Variants in CLVS1 observed in about 807,000 individuals in gnomAD.
CLVS1 encodes clavesin-1.
In CLVS1, 10 loss-of-function variants were observed where a neutral mutation model predicts 33.1. That is an observed-to-expected ratio of 0.30 (90% CI 0.19 to 0.51). The LOEUF (loss-of-function observed/expected upper bound fraction) is 0.51, where lower values mean the gene tolerates loss of function less well. Among genes scored for constraint, CLVS1 ranks in the 20% least tolerant of loss-of-function variants. The pLI is 0.97. For synonymous variants in CLVS1, 163 were observed against 166.1 expected (o/e 0.98, Z 0.14); for missense variants, 343 against 433.4 (o/e 0.79, Z 1.85).
At chr8:61,114,849 T>G (rs949230343) in intron 1 of CLVS1, among the ~76,000 whole-genome samples, 1 of 152,224 alleles carries the variant, frequency 6.6e-6, no homozygotes, top group African/African-American at 2.4e-5. Context: ...TCTATTTTTT[T>G]GAAAACCCAA....
At chr8:61,252,467 A>T (rs979866781) in intron 2 of CLVS1, among the ~76,000 whole-genome samples, 2 of 152,148 alleles carry the variant, frequency 1.3e-5, no homozygotes, top group African/African-American at 4.8e-5. Flanking sequence ...AGTCCTGAAT[A>T]TCCTTGTTAA....
At chr8:61,315,807 G>A (rs1475494176) in intron 2 of CLVS1, among the ~76,000 whole-genome samples, 2 of 152,058 alleles carry the variant, frequency 1.3e-5, no homozygotes, top group African/African-American at 2.4e-5. Context: ...GTATATATGT[G>A]TCATGGTGGT....
intron 2 of CLVS1, among the ~76,000 whole-genome samples, chr8:61,251,427 C>T (rs533459296): frequency 6.5e-4 from 99 of 152,188 alleles, no homozygotes; most frequent in Non-Finnish European, 6.6e-4. Flanking sequence ...ACTGGCCTCA[C>T]AAAATGAGTT....
the CLVS1 span, among the ~76,000 whole-genome samples, chr8:60,992,221 CTT>C: frequency 1.3e-5 from 2 of 152,168 alleles, no homozygotes; most frequent in African/African-American, 4.8e-5. Flanking sequence ...AATTGTCTGA[CTT>C]TATATTTTTT....
chr8:61,127,632 G>C (rs1806001642), intron 1 of CLVS1, among the ~76,000 whole-genome samples: 1 of 152,222 alleles, frequency 6.6e-6, no homozygotes, highest in African/African-American at 2.4e-5. Flanking sequence ...TTCTTAGGAA[G>C]TATTGTACAG....
chr8:61,223,368 G>A (rs939498682), intron 2 of CLVS1, among the ~76,000 whole-genome samples: 2 of 152,138 alleles, frequency 1.3e-5, no homozygotes, highest in African/African-American at 2.4e-5. Flanking sequence ...TGCAGGGCAG[G>A]CCTGGTGGTG....
chr8:61,419,254 G>A (rs1815557968), intron 3 of CLVS1, among the ~76,000 whole-genome samples: 2 of 151,894 alleles, frequency 1.3e-5, no homozygotes, highest in African/African-American at 4.8e-5. Flanking sequence ...AAAATTAGCT[G>A]GGCATGGTGG....
At chr8:60,984,686 C>T in the CLVS1 span, among the ~76,000 whole-genome samples, 3 of 152,306 alleles carry the variant, frequency 2.0e-5, no homozygotes, top group African/African-American at 7.2e-5. Flanking sequence ...TACCTTTCAT[C>T]CAAGGTCAAA....
chr8:61,022,580 T>C, the CLVS1 span, among the ~76,000 whole-genome samples: 2 of 152,278 alleles, frequency 1.3e-5, no homozygotes, highest in Admixed American at 1.3e-4. Context: ...ATTCATGTTA[T>C]TGCTACTCTT....
At chr8:61,397,786 T>A (rs1814589004) in intron 3 of CLVS1, among the ~76,000 whole-genome samples, 1 of 152,220 alleles carries the variant, frequency 6.6e-6, no homozygotes, top group African/African-American at 2.4e-5. Flanking sequence ...TAGTATTGTT[T>A]CCTTTGTTGG....
the CLVS1 span, among the ~76,000 whole-genome samples, chr8:61,004,196 G>A: frequency 5.9e-5 from 9 of 152,248 alleles, 1 homozygote; most frequent in Non-Finnish European, 1.0e-4. Flanking sequence ...TGCTTTGCAC[G>A]TGGTAGAAAG....
At chr8:61,054,333 G>T (rs1030983393), upstream of CLVS1, among the ~76,000 whole-genome samples, 2 of 152,184 alleles carry the variant, frequency 1.3e-5, no homozygotes, top group African/African-American at 2.4e-5. Context: ...GATTCCACCC[G>T]TGACCCAAGA....
At chr8:61,301,997 A>G (rs895177994) in intron 2 of CLVS1, among the ~76,000 whole-genome samples, 7 of 152,174 alleles carry the variant, frequency 4.6e-5, no homozygotes, top group Non-Finnish European at 7.3e-5. Context: ...ACGGGGAGAC[A>G]TGGGTTTAAC....
At chr8:61,402,735 C>T (rs1006276625) in intron 3 of CLVS1, among the ~76,000 whole-genome samples, 1 of 152,124 alleles carries the variant, frequency 6.6e-6, no homozygotes, top group Non-Finnish European at 1.5e-5. Context: ...TTGTAGTCTA[C>T]TAAGGGAGTG....
At chr8:61,090,967 G>A in intron 1 of CLVS1, 2 of 503,186 alleles carry the variant, frequency 4.0e-6, no homozygotes, top group Admixed American at 4.1e-5. Flanking sequence ...GTAGACTGTG[G>A]TAGACTGATT....
intron 1 of CLVS1, among the ~76,000 whole-genome samples, chr8:61,110,018 C>T (rs1805597817): frequency 6.6e-6 from 1 of 152,188 alleles, no homozygotes; most frequent in Admixed American, 6.5e-5. Context: ...CAGACTAAGA[C>T]ATTAGCCTCA....
chr8:61,226,710 G>A (rs1270747627), intron 2 of CLVS1, among the ~76,000 whole-genome samples: 1 of 152,156 alleles, frequency 6.6e-6, no homozygotes, highest in Non-Finnish European at 1.5e-5. Flanking sequence ...ATCATCTTCT[G>A]TTCACTGGCC....
chr8:61,457,008 G>A (rs1315750303), intron 4 of CLVS1, among the ~76,000 whole-genome samples: 1 of 151,434 alleles, frequency 6.6e-6, no homozygotes. Flanking sequence ...CGTGATCTCA[G>A]CCCACTGCAA....
intron 1 of CLVS1, among the ~76,000 whole-genome samples, chr8:61,110,368 C>T (rs562993056): frequency 9.2e-5 from 14 of 152,242 alleles, no homozygotes; most frequent in South Asian, 2.1e-4. Context: ...CTTTTTGAGA[C>T]GGCTTCCTCA....
Sources: gnomAD v4.1 joint callset for allele counts (sites outside exome capture counted in the v4.1 genomes callset) on GRCh38, gnomAD v4.1.1 for gene constraint, MANE v1.5 for transcripts, NCBI Gene and HGNC (gene_info 2026-07-23, HGNC 2026-07-21) for gene names.